RHOH: variants seen among roughly 807,000 people sequenced by gnomAD.
The protein encoded by RHOH is rho-related GTP-binding protein RhoH.
RHOH carries 6 observed loss-of-function variants against 13.8 expected under a neutral mutation model. The observed-to-expected ratio is 0.44, with a 90% CI of 0.24 to 0.86. RHOH has a LOEUF of 0.86. Among genes scored for constraint, RHOH ranks in the 40% least tolerant of loss-of-function variants. The pLI is 0.24. For synonymous variants in RHOH, 117 were observed against 103.0 expected, an observed-to-expected ratio of 1.14 and a Z score of -0.82; for missense variants, 147 against 244.5, an observed-to-expected ratio of 0.60 and a Z score of 2.66.
rs142992305 is a variant in RHOH, at chr4:40,221,417, C to T, written c.-330-21297C>T. 4.4e-3 allele frequency among the ~76,000 whole-genome samples: 666 copies of T among 152,258 alleles called. 7 individuals carry two copies. Among genetic ancestry groups the T allele is most frequent in the African/African-American group, 0.015 (630 of 41,556 alleles). ...GCAACTCTGTGTTGAGCGAGTCTAT[C>T]GGCACCATTTTCCCAACAGCGTATG... On this transcript the variant is annotated intron_variant, in intron 1 of 2. Transcript: ENST00000381799.
intron 1 of RHOH, among the ~76,000 whole-genome samples, chr4:40,198,421 G>C (rs1477412391): frequency 6.6e-6 from 1 of 152,228 alleles, no homozygotes; most frequent in African/African-American, 2.4e-5. Context: ...CAAAAGCGAG[G>C]ACCTTGCAGG....
At chr4:40,231,146 T>C (rs1176447652) in intron 1 of RHOH, among the ~76,000 whole-genome samples, 1 of 152,136 alleles carries the variant, frequency 6.6e-6, no homozygotes, top group Non-Finnish European at 1.5e-5. Context: ...TTCACAGCTC[T>C]GGAATCTCCT....
At chr4:40,195,278 G>A (rs1043696156), upstream of RHOH, among the ~76,000 whole-genome samples, 4 of 152,122 alleles carry the variant, frequency 2.6e-5, no homozygotes, top group Non-Finnish European at 5.9e-5. Flanking sequence ...ACAAGCTTAT[G>A]TTCTGCTCAG....
chr4:40,232,668 C>A (rs1728084658), intron 1 of RHOH, among the ~76,000 whole-genome samples: 1 of 152,122 alleles, frequency 6.6e-6, no homozygotes, highest in African/African-American at 2.4e-5. Context: ...AGAAGGCAAC[C>A]TTGGATTGTA....
intron 1 of RHOH, among the ~76,000 whole-genome samples, chr4:40,229,839 T>C (rs1363501740): frequency 6.6e-6 from 1 of 152,080 alleles, no homozygotes; most frequent in Non-Finnish European, 1.5e-5. Flanking sequence ...TAATATAAAA[T>C]AAATCCCTGA....
chr4:40,234,813 C>A (rs2109534562), intron 1 of RHOH, among the ~76,000 whole-genome samples: 1 of 132,972 alleles, frequency 7.5e-6, no homozygotes, highest in Non-Finnish European at 1.5e-5. Context: ...TGGCATTGAA[C>A]TCCTGGCCTC....
intron 1 of RHOH, among the ~76,000 whole-genome samples, chr4:40,239,747 T>G (rs568890289): frequency 1.3e-5 from 2 of 152,052 alleles, no homozygotes; most frequent in Admixed American, 1.3e-4. Flanking sequence ...GGCGTGGTGG[T>G]GGTGCCTGTA....
intron 1 of RHOH, among the ~76,000 whole-genome samples, chr4:40,242,163 C>A (rs976685428): frequency 6.6e-6 from 1 of 152,208 alleles, no homozygotes; most frequent in African/African-American, 2.4e-5. Context: ...GTCTCCAAGG[C>A]GGAGCTCATT....
intron 1 of RHOH, among the ~76,000 whole-genome samples, chr4:40,210,348 A>G (rs1725124325): frequency 6.6e-6 from 1 of 152,194 alleles, no homozygotes; most frequent in Admixed American, 6.5e-5. Flanking sequence ...CAATGGCTCA[A>G]TAAGACTGCC....
upstream of RHOH, among the ~76,000 whole-genome samples, chr4:40,191,888 G>A (rs1722722517): frequency 6.6e-6 from 1 of 151,408 alleles, no homozygotes; most frequent in African/African-American, 2.4e-5. Context: ...GCAATAAGAG[G>A]GAAGCTAGAA....
chr4:40,201,334 T>C (rs1723957607), intron 1 of RHOH, among the ~76,000 whole-genome samples: 1 of 150,074 alleles, frequency 6.7e-6, no homozygotes, highest in Non-Finnish European at 1.5e-5. Flanking sequence ...GTCACACAGA[T>C]GGGAACAGGG....
In RHOH at chr4:40,227,748, G is replaced by A. The variant is rs1025535926; in HGVS notation, c.-330-14966G>A. ...TAAAAGTCATTAAGAAACAATGACCGTCTTGCTGGAAAAGTAGGTAAAACT... is the reference window on the plus strand; with the variant it reads ...TAAAAGTCATTAAGAAACAATGACCATCTTGCTGGAAAAGTAGGTAAAACT... On this transcript the variant is annotated intron_variant, in intron 1 of 2. Coordinates refer to ENST00000381799, the MANE Select transcript of RHOH (RefSeq NM_004310.5). 2.6e-5 allele frequency among the ~76,000 whole-genome samples: 4 copies of A among 152,048 alleles called. No individual in the cohort carries two copies. In the East Asian group the frequency reaches 5.8e-4, roughly 22 times the overall value.
chr4:40,193,148 C>T (rs1160058862), upstream of RHOH: 1 of 152,396 alleles, frequency 6.6e-6, no homozygotes, highest in Non-Finnish European at 1.5e-5. Context: ...CGTGTTAACA[C>T]GACGTGCTAT....
intron 1 of RHOH, among the ~76,000 whole-genome samples, chr4:40,201,583 T>C (rs1723991444): frequency 6.6e-6 from 1 of 152,180 alleles, no homozygotes; most frequent in Non-Finnish European, 1.5e-5. Context: ...GATGTCATGA[T>C]GGTGGCTTGA....
chr4:40,201,961 T>C (rs1461933328), intron 1 of RHOH, among the ~76,000 whole-genome samples: 1 of 150,880 alleles, frequency 6.6e-6, no homozygotes, highest in Non-Finnish European at 1.5e-5. Flanking sequence ...TTTTTTTTTT[T>C]TTTTTTTTTA....
chr4:40,199,237 A>G (rs11941735), intron 1 of RHOH, among the ~76,000 whole-genome samples: 1 of 152,178 alleles, frequency 6.6e-6, no homozygotes, highest in Non-Finnish European at 1.5e-5. Flanking sequence ...CTGAAAAAAA[A>G]ATCTCTCAAT....
rs904741542 is a variant in RHOH, at chr4:40,245,056, A to G, written c.*1094A>G. On this transcript the variant is annotated 3_prime_UTR_variant, in exon 3 of 3. Transcript: ENST00000381799. ...AGAAAAATCAAATTCCAAGCACAGG[A>G]ATAAGAAAGCTATATAGCAACTGCT... 6.6e-6 allele frequency: 1 copy of G among 152,280 alleles called. No individual in the cohort carries two copies. The highest frequency in any genetic ancestry group is 1.5e-5 in the Non-Finnish European group (1 of 68,084). The allele number at this position is 152,280 out of a possible 1,614,324, so 9.4% of individuals were successfully genotyped here.
chr4:40,195,416 T>TCCTTCCTTCCTTCCCTC (rs1553932238), upstream of RHOH, among the ~76,000 whole-genome samples: 3 of 139,464 alleles, frequency 2.2e-5, no homozygotes, highest in African/African-American at 8.0e-5. Flanking sequence ...CTTCCTTCCT[T>TCCTTCCTTCCTTCCCTC]CCCTCCCCTT....
intron 1 of RHOH, chr4:40,235,458 A>G: frequency 7.0e-6 from 1 of 143,472 alleles, no homozygotes; most frequent in South Asian, 2.3e-4. Context: ...GCTTGGTGGC[A>G]TGCACCTTGT....
Sources: allele counts gnomAD v4.1 joint callset (sites outside exome capture counted in the v4.1 genomes callset), GRCh38; gene constraint gnomAD v4.1.1; transcripts MANE v1.5; gene names NCBI Gene and HGNC (gene_info 2026-07-23, HGNC 2026-07-21).